Variants in SEMA5A observed in about 807,000 individuals in gnomAD.
The protein encoded by SEMA5A is semaphorin-5A.
In SEMA5A, 55 loss-of-function variants were observed where a neutral mutation model predicts 135.5. The ratio of observed to expected loss-of-function variants is 0.41; its 90% CI spans 0.33 to 0.51. SEMA5A has a LOEUF of 0.51. SEMA5A is among the 20% of genes least tolerant of loss of function. The pLI is 0.37. For synonymous variants in SEMA5A, 580 were observed against 546.5 expected (o/e 1.06, Z -0.85); for missense variants, 1,290 against 1,419.9 (o/e 0.91, Z 1.47).
chr5:9,107,650 A>T (rs896602236), intron 16 of SEMA5A, among the ~76,000 whole-genome samples: 2 of 152,152 alleles, frequency 1.3e-5, no homozygotes, highest in African/African-American at 4.8e-5. Context: ...AGCCTCCAGG[A>T]TACTCTGAAT....
intron 5 of SEMA5A, among the ~76,000 whole-genome samples, chr5:9,295,150 G>T (rs1051544923): frequency 3.3e-5 from 5 of 152,138 alleles, no homozygotes; most frequent in Non-Finnish European, 5.9e-5. Flanking sequence ...GTTTCCCAGG[G>T]TTCATGTTCA....
intron 1 of SEMA5A, among the ~76,000 whole-genome samples, chr5:9,533,417 T>C (rs1045572467): frequency 6.6e-6 from 1 of 152,200 alleles, no homozygotes; most frequent in Non-Finnish European, 1.5e-5. Context: ...GTTACATACA[T>C]AGTAAAAGAT....
At chr5:9,363,797 G>A (rs1305274113) in intron 3 of SEMA5A, among the ~76,000 whole-genome samples, 1 of 152,198 alleles carries the variant, frequency 6.6e-6, no homozygotes, top group Non-Finnish European at 1.5e-5. Flanking sequence ...AAGAGACTCA[G>A]AGCTGCCAAG....
intron 5 of SEMA5A, among the ~76,000 whole-genome samples, chr5:9,295,234 A>C (rs1751274773): frequency 6.6e-6 from 1 of 152,184 alleles, no homozygotes; most frequent in Non-Finnish European, 1.5e-5. Context: ...CATTATTAAA[A>C]GTCCATTTGG....
intron 12 of SEMA5A, among the ~76,000 whole-genome samples, chr5:9,138,199 A>G (rs1291420960): frequency 1.3e-5 from 2 of 152,238 alleles, no homozygotes. Flanking sequence ...ATATGCAGAC[A>G]TGACTTCCAT....
intron 2 of SEMA5A, among the ~76,000 whole-genome samples, chr5:9,386,027 C>G (rs1484661232): frequency 6.6e-6 from 1 of 152,074 alleles, no homozygotes; most frequent in South Asian, 2.1e-4. Flanking sequence ...GTCTTGAACT[C>G]ATGACCTCGT....
intron 16 of SEMA5A, among the ~76,000 whole-genome samples, chr5:9,105,149 G>C (rs921817969): frequency 1.3e-5 from 2 of 152,198 alleles, no homozygotes; most frequent in Non-Finnish European, 2.9e-5. Flanking sequence ...ACTAATCCAA[G>C]GCTCTGGGTT....
chr5:9,185,333 G>A (rs1744749076), intron 11 of SEMA5A, among the ~76,000 whole-genome samples: 1 of 152,174 alleles, frequency 6.6e-6, no homozygotes, highest in African/African-American at 2.4e-5. Flanking sequence ...AATCTCACAT[G>A]AGTTCAGCAG....
intron 1 of SEMA5A, among the ~76,000 whole-genome samples, chr5:9,470,743 C>T (rs998671989): frequency 6.6e-6 from 1 of 152,180 alleles, no homozygotes; most frequent in Admixed American, 6.5e-5. Context: ...ATGACAGCCA[C>T]CCCAGAAATC....
chr5:9,129,227 A>G (rs1219571811), intron 13 of SEMA5A, among the ~76,000 whole-genome samples: 1 of 152,264 alleles, frequency 6.6e-6, no homozygotes, highest in African/African-American at 2.4e-5. Flanking sequence ...AGAAACAGTT[A>G]CCAAACCCTG....
chr5:9,509,825 A>AG (rs1188825850), intron 1 of SEMA5A, among the ~76,000 whole-genome samples: 3 of 152,208 alleles, frequency 2.0e-5, no homozygotes, highest in Non-Finnish European at 2.9e-5. Flanking sequence ...TTGAGAACCT[A>AG]CCATATGCCA....
intron 16 of SEMA5A, among the ~76,000 whole-genome samples, chr5:9,086,879 A>G (rs1005988091): frequency 5.9e-5 from 9 of 152,200 alleles, no homozygotes; most frequent in African/African-American, 9.6e-5. Flanking sequence ...TGAGAATACT[A>G]TTAATGCATT....
intron 5 of SEMA5A, among the ~76,000 whole-genome samples, chr5:9,295,938 A>G (rs1180229295): frequency 6.6e-6 from 1 of 152,194 alleles, no homozygotes; most frequent in African/African-American, 2.4e-5. Flanking sequence ...ATATCACCCA[A>G]TGCTTTCTTT....
intron 5 of SEMA5A, among the ~76,000 whole-genome samples, chr5:9,251,756 A>G (rs1748802190): frequency 6.6e-6 from 1 of 152,192 alleles, no homozygotes; most frequent in African/African-American, 2.4e-5. Context: ...GGCAAGACAT[A>G]TTGGGAAAGT....
chr5:9,458,093 G>C (rs1758912943), intron 1 of SEMA5A, among the ~76,000 whole-genome samples: 1 of 151,812 alleles, frequency 6.6e-6, no homozygotes, highest in Non-Finnish European at 1.5e-5. Context: ...ATTTTTAGTA[G>C]AGACGGGATC....
intron 2 of SEMA5A, among the ~76,000 whole-genome samples, chr5:9,390,760 T>A (rs1278729896): frequency 6.6e-6 from 1 of 150,810 alleles, no homozygotes; most frequent in Non-Finnish European, 1.5e-5. Flanking sequence ...AAGAAATCCA[T>A]CCTAAAAGAA....
chr5:9,147,375 C>T (rs553649079), intron 12 of SEMA5A, among the ~76,000 whole-genome samples: 1 of 152,104 alleles, frequency 6.6e-6, no homozygotes, highest in South Asian at 2.1e-4. Context: ...TGGGTTTAAG[C>T]GATTCTCCTG....
chr5:9,043,302 C>G, intron 22 of SEMA5A: 1 of 292,670 alleles, frequency 3.4e-6, no homozygotes. Flanking sequence ...ATCTAAATCT[C>G]TAGAAAACCT....
chr5:9,400,078 T>C (rs1579478330), intron 2 of SEMA5A, among the ~76,000 whole-genome samples: 2 of 152,182 alleles, frequency 1.3e-5, no homozygotes, highest in African/African-American at 4.8e-5. Flanking sequence ...AAACACCACA[T>C]GTTCTCACTC....
Sources: allele counts gnomAD v4.1 joint callset (sites outside exome capture counted in the v4.1 genomes callset), GRCh38; gene constraint gnomAD v4.1.1; transcripts MANE v1.5; gene names NCBI Gene and HGNC (gene_info 2026-07-23, HGNC 2026-07-21).